The following FRMD4A variants were observed in gnomAD, a reference collection of about 807,000 sequenced individuals.
FRMD4A encodes the protein FERM domain containing 4A, also known as FERM domain-containing protein 4A.
Under a neutral mutation model 129.1 loss-of-function variants are expected in FRMD4A, and 29 were observed. The ratio of observed to expected loss-of-function variants is 0.22; its 90% confidence interval spans 0.17 to 0.31. FRMD4A has a LOEUF of 0.31. FRMD4A is among the 10% of genes least tolerant of loss of function. The pLI is 1.00. For missense variants in FRMD4A, 1,272 were observed against 1,375.8 expected, an observed-to-expected ratio of 0.92 and a Z score of 1.19; for synonymous variants, 634 against 571.6, an observed-to-expected ratio of 1.11 and a Z score of -1.56.
At chr10:14,327,841 G>A (rs566199541) in intron 2 of FRMD4A, among the ~76,000 whole-genome samples, 66 of 152,298 alleles carry the variant, frequency 4.3e-4, no homozygotes, top group African/African-American at 1.3e-3. Context: ...GCAGACACGC[G>A]ATAAATACTG....
intron 9 of FRMD4A, chr10:13,744,680 C>T (rs1451080221): frequency 6.6e-6 from 1 of 152,140 alleles, no homozygotes. Flanking sequence ...GCAGGAAAGC[C>T]CCCGAAGAAT....
intron 2 of FRMD4A, among the ~76,000 whole-genome samples, chr10:14,113,672 T>A (rs1006398732): frequency 3.3e-5 from 5 of 152,204 alleles, no homozygotes; most frequent in Non-Finnish European, 7.3e-5. Flanking sequence ...AGAAATTATT[T>A]GTTGCTTATT....
intron 15 of FRMD4A, among the ~76,000 whole-genome samples, chr10:13,683,059 C>T (rs1211571064): frequency 6.6e-6 from 1 of 152,064 alleles, no homozygotes; most frequent in Non-Finnish European, 1.5e-5. Context: ...CTTTGGATCA[C>T]CCAGGCTGGA....
Position 13,821,225 on chromosome 10 carries a change from C to A in FRMD4A, c.112-10317G>T, listed in dbSNP as rs931281519. On this transcript the variant is annotated intron_variant, in intron 3 of 24. Transcript: ENST00000357447. This position sits in a 1 kb window ranked among gnomAD's most constrained non-coding sequence, Gnocchi z 4.3. ...GACTCCCCTCCTTGTCGCCCTGCTG[C>A]TTAGCTGGGAAGGCTGGTTTCCTTC... 1.3e-5 allele frequency among the ~76,000 whole-genome samples: 2 copies of A among 152,152 alleles called. No individual in the cohort carries two copies. Among genetic ancestry groups the A allele is most frequent in the Admixed American group, 1.3e-4 (2 of 15,282 alleles).
chr10:13,904,195 G>A (rs1394136685), intron 2 of FRMD4A, among the ~76,000 whole-genome samples: 3 of 152,036 alleles, frequency 2.0e-5, no homozygotes, highest in African/African-American at 4.8e-5. Flanking sequence ...GGGCCTGCCT[G>A]CCTGTCTGGC....
Position 13,915,467 on chromosome 10 carries a change from T to G in FRMD4A, c.46-56555A>C, listed in dbSNP as rs573303534. ...GCGGGCGGATCACAAGGTCAGGAGA[T>G]CGAGACCATCCTGGCTAACACGGTG... On this transcript the variant is annotated intron_variant, in intron 2 of 24. Transcript: ENST00000357447. Among the ~76,000 whole-genome samples the G allele has an allele frequency of 6.9e-3, 1,050 of 151,102 alleles. 9 individuals are homozygous for G. Among genetic ancestry groups the G allele is most frequent in the Non-Finnish European group, 0.01 (697 of 67,742 alleles).
intron 15 of FRMD4A, among the ~76,000 whole-genome samples, chr10:13,676,527 AGCCTCCCAAAGT>A (rs1386077078): frequency 1.3e-5 from 2 of 150,950 alleles, no homozygotes; most frequent in Non-Finnish European, 2.9e-5. Context: ...CACCCGCCTC[AGCCTCCCAAAGT>A]GCTGGGATTA....
chr10:14,202,181 T>C (rs58588040), intron 2 of FRMD4A, among the ~76,000 whole-genome samples: 119,887 of 151,358 alleles, frequency 0.79, 49,886 homozygotes, highest in South Asian at 0.97. Flanking sequence ...TGGATTCTGG[T>C]AAACTAAGTC....
At chr10:14,037,938 A>G (rs1333731320) in intron 2 of FRMD4A, among the ~76,000 whole-genome samples, 1 of 152,246 alleles carries the variant, frequency 6.6e-6, no homozygotes, top group Admixed American at 6.5e-5. Flanking sequence ...AAATGGATCC[A>G]GTTTTGTCTC....
chr10:13,695,375 A>C (rs1589417312), intron 14 of FRMD4A, among the ~76,000 whole-genome samples: 1 of 152,288 alleles, frequency 6.6e-6, no homozygotes, highest in Non-Finnish European at 1.5e-5. Context: ...TCCTGACCTC[A>C]GGTGATCCGC....
chr10:13,986,979 T>G (rs765163097), intron 2 of FRMD4A, among the ~76,000 whole-genome samples: 8 of 152,004 alleles, frequency 5.3e-5, no homozygotes, highest in Non-Finnish European at 1.2e-4. Context: ...GCCTGGGAAT[T>G]TGCATTTCAA....
intron 14 of FRMD4A, among the ~76,000 whole-genome samples, chr10:13,700,845 T>TTTA (rs2086753701): frequency 2.6e-5 from 2 of 76,582 alleles, no homozygotes; most frequent in Non-Finnish European, 5.2e-5. Flanking sequence ...TTTTTTTTTT[T>TTTA]AACGTTTCCA....
intron 3 of FRMD4A, among the ~76,000 whole-genome samples, chr10:13,845,696 G>C (rs1305884638): frequency 6.6e-6 from 1 of 152,158 alleles, no homozygotes; most frequent in Admixed American, 6.5e-5. Context: ...AGATGTTCTA[G>C]TGAATTTAAC....
chr10:14,081,875 A>G (rs1835948331), intron 2 of FRMD4A, among the ~76,000 whole-genome samples: 1 of 152,210 alleles, frequency 6.6e-6, no homozygotes, highest in Non-Finnish European at 1.5e-5. Context: ...GCCCCAGACT[A>G]TTTAACACAT....
chr10:14,119,923 T>C (rs535561990), intron 2 of FRMD4A, among the ~76,000 whole-genome samples: 136 of 152,084 alleles, frequency 8.9e-4, no homozygotes, highest in Non-Finnish European at 1.2e-3. Flanking sequence ...ATGGGTTAAT[T>C]TGAAGCAGCT....
At chr10:13,865,236 T>A (rs10906522) in intron 2 of FRMD4A, among the ~76,000 whole-genome samples, 1 of 151,860 alleles carries the variant, frequency 6.6e-6, no homozygotes, top group Non-Finnish European at 1.5e-5. Flanking sequence ...AATTAAGTAA[T>A]GTTTGGAAAT....
intron 2 of FRMD4A, among the ~76,000 whole-genome samples, chr10:14,001,957 A>C (rs2095644376): frequency 6.6e-6 from 1 of 152,156 alleles, no homozygotes. Flanking sequence ...AGCAGCACAC[A>C]CTCAACGATA....
chr10:13,873,535 T>C (rs1380624713), intron 2 of FRMD4A, among the ~76,000 whole-genome samples: 1 of 152,160 alleles, frequency 6.6e-6, no homozygotes, highest in African/African-American at 2.4e-5. Flanking sequence ...ACACTGACAT[T>C]TATTTATTTA....
intron 2 of FRMD4A, among the ~76,000 whole-genome samples, chr10:13,947,818 A>G (rs2095343065): frequency 6.6e-6 from 1 of 152,200 alleles, no homozygotes; most frequent in East Asian, 1.9e-4. Flanking sequence ...CATGTCATCC[A>G]GAGTCAAGAA....
Sources: allele counts gnomAD v4.1 joint callset (sites outside exome capture counted in the v4.1 genomes callset), GRCh38; gene constraint gnomAD v4.1.1; non-coding constraint Gnocchi (gnomAD v3.1); transcripts MANE v1.5; gene names NCBI Gene and HGNC (gene_info 2026-07-23, HGNC 2026-07-21).